Variants in CBFA2T2 observed in about 807,000 individuals in gnomAD.
CBFA2T2 encodes the protein protein CBFA2T2.
A neutral mutation model predicts 62.2 loss-of-function variants in CBFA2T2; 11 were observed. The observed-to-expected ratio is 0.18, with a 90% CI of 0.11 to 0.29. The LOEUF (loss-of-function observed/expected upper bound fraction) is 0.29, where lower values mean the gene tolerates loss of function less well. Ranked by LOEUF, CBFA2T2 falls within the 10% of genes least tolerant of loss-of-function variation. The pLI is 1.00. For missense variants in CBFA2T2, 592 were observed against 774.1 expected (o/e 0.76, Z 2.79); for synonymous variants, 295 against 287.5 (o/e 1.03, Z -0.27).
intron 1 of CBFA2T2, among the ~76,000 whole-genome samples, chr20:33,549,695 A>G (rs574958350): frequency 5.4e-4 from 83 of 152,304 alleles, no homozygotes; most frequent in African/African-American, 1.4e-3. Flanking sequence ...TGACTTGTAC[A>G]CTGAAAATAG....
intron 6 of CBFA2T2, among the ~76,000 whole-genome samples, chr20:33,625,467 C>CA (rs1346171496): frequency 6.6e-6 from 1 of 152,120 alleles, no homozygotes; most frequent in Admixed American, 6.5e-5. Context: ...GCCTGGGTGA[C>CA]AGAGTGAGAC....
At chr20:33,515,350 C>CAAA (rs11371940) in intron 1 of CBFA2T2, among the ~76,000 whole-genome samples, 51 of 81,704 alleles carry the variant, frequency 6.2e-4, no homozygotes, top group Middle Eastern at 0.01. Context: ...GACTCCATCT[C>CAAA]AAAAAAAAAA....
chr20:33,554,637 G>A (rs547822353), intron 1 of CBFA2T2, among the ~76,000 whole-genome samples: 3 of 55,834 alleles, frequency 5.4e-5, no homozygotes, highest in East Asian at 3.9e-4. Flanking sequence ...ATGGAGTTTC[G>A]CTTTTGTTGT....
At chr20:33,624,223 A>AT (rs966949463) in intron 5 of CBFA2T2, among the ~76,000 whole-genome samples, 1 of 145,050 alleles carries the variant, frequency 6.9e-6, no homozygotes. Flanking sequence ...CTTTAATGAC[A>AT]TTTTTTTAAA....
chr20:33,618,783 G>A (rs139657694), intron 3 of CBFA2T2, among the ~76,000 whole-genome samples: 211 of 152,228 alleles, frequency 1.4e-3, no homozygotes, highest in African/African-American at 4.8e-3. Flanking sequence ...TCTTAGAGTT[G>A]ACATCCTAGG....
chr20:33,626,873 T>C, intron 6 of CBFA2T2, among the ~76,000 whole-genome samples: 1 of 152,204 alleles, frequency 6.6e-6, no homozygotes, highest in East Asian at 1.9e-4. Flanking sequence ...TAGATTGTGT[T>C]GTAAGTACAT....
At chr20:33,542,441 T>G (rs1439608729) in intron 1 of CBFA2T2, among the ~76,000 whole-genome samples, 2 of 151,616 alleles carry the variant, frequency 1.3e-5, no homozygotes, top group Non-Finnish European at 2.9e-5. Flanking sequence ...AGTTTTAAAT[T>G]TTTTTTTATT....
In CBFA2T2 at chr20:33,523,761, C is replaced by T. The variant is rs1267983285; in HGVS notation, c.34+33460C>T. 6.6e-5 allele frequency among the ~76,000 whole-genome samples: 10 copies of T among 152,026 alleles called. No homozygotes were observed. In the South Asian group the frequency reaches 8.3e-4, roughly 13 times the overall value. On this transcript the variant is annotated intron_variant, in intron 1 of 10. Transcript: ENST00000342704. ...TGGAGTGCAGTGGCATGATCCTCACCGCAACCTCCGCCTCCCTGGTTCAAG... is the reference window on the plus strand; with the variant it reads ...TGGAGTGCAGTGGCATGATCCTCACTGCAACCTCCGCCTCCCTGGTTCAAG...
In CBFA2T2 at chr20:33,611,194, C is replaced by G. The variant is rs749114154; in HGVS notation, c.279C>G (p.Leu93=). 6 of 1,614,206 alleles carry G rather than the reference C, an allele frequency of 3.7e-6. No individual in the cohort carries two copies. In the South Asian group the frequency reaches 6.6e-5, roughly 18 times the overall value. Residue 93 remains leucine, a synonymous_variant, in exon 3 of 11, where the codon CTC becomes CTG. Coordinates refer to ENST00000342704, the MANE Select transcript of CBFA2T2 (RefSeq NM_001032999.3). ...NGPASSTSSA[L]TNQQLPATCG... ...CTGCCTCCTCCACATCATCTGCACTCACAAATCAGCAATTGCCAGCCACTT... is the reference window on the plus strand; with the variant it reads ...CTGCCTCCTCCACATCATCTGCACTGACAAATCAGCAATTGCCAGCCACTT...
chr20:33,582,740 G>A (rs1217554282), intron 1 of CBFA2T2, among the ~76,000 whole-genome samples: 2 of 151,924 alleles, frequency 1.3e-5, no homozygotes, highest in South Asian at 2.1e-4. Context: ...TCAGGAATTC[G>A]AGACTAGCCT....
intron 1 of CBFA2T2, among the ~76,000 whole-genome samples, chr20:33,583,091 T>G (rs1002007696): frequency 6.6e-6 from 1 of 152,228 alleles, no homozygotes; most frequent in South Asian, 2.1e-4. Context: ...CCTTTTACAT[T>G]ATATCAAGAC....
At chr20:33,604,581 C>G (rs188703261) in intron 1 of CBFA2T2, among the ~76,000 whole-genome samples, 129 of 152,248 alleles carry the variant, frequency 8.5e-4, no homozygotes, top group African/African-American at 3.0e-3. Flanking sequence ...GGGTTTGGCC[C>G]ACTATCAAAG....
chr20:33,542,809 C>T (rs942205557), intron 1 of CBFA2T2, among the ~76,000 whole-genome samples: 2 of 151,876 alleles, frequency 1.3e-5, no homozygotes, highest in Non-Finnish European at 2.9e-5. Flanking sequence ...GAAGCTGGGA[C>T]TACAGGCATA....
At chr20:33,525,855 T>G (rs1434443026) in intron 1 of CBFA2T2, among the ~76,000 whole-genome samples, 1 of 152,186 alleles carries the variant, frequency 6.6e-6, no homozygotes, top group Non-Finnish European at 1.5e-5. Flanking sequence ...AGTCTCACTT[T>G]GTTGCCCAGG....
At chr20:33,506,547 C>G (rs184621432) in intron 1 of CBFA2T2, among the ~76,000 whole-genome samples, 2 of 152,138 alleles carry the variant, frequency 1.3e-5, no homozygotes, top group African/African-American at 2.4e-5. Context: ...GATTCGGTCC[C>G]GGTCCTCAGT....
chr20:33,586,371 T>TG (rs1270084055), intron 1 of CBFA2T2, among the ~76,000 whole-genome samples: 2 of 152,096 alleles, frequency 1.3e-5, no homozygotes, highest in African/African-American at 4.8e-5. Context: ...CCTGACCTCA[T>TG]GATCCGCTCG....
intron 1 of CBFA2T2, among the ~76,000 whole-genome samples, chr20:33,551,304 C>T (rs1038951274): frequency 3.3e-5 from 5 of 151,688 alleles, no homozygotes; most frequent in African/African-American, 9.7e-5. Context: ...GCAACCTCAG[C>T]CTCCTGGGTT....
intron 6 of CBFA2T2, 120 bp downstream of exon 6, chr20:33,625,137 C>A: frequency 1.1e-6 from 1 of 925,140 alleles, no homozygotes; most frequent in Non-Finnish European, 1.6e-6. Context: ...CAATATTATA[C>A]ATAGACTATT....
At chr20:33,530,938 G>C (rs1439634040) in intron 1 of CBFA2T2, among the ~76,000 whole-genome samples, 1 of 152,046 alleles carries the variant, frequency 6.6e-6, no homozygotes, top group Non-Finnish European at 1.5e-5. Context: ...AAATTAGCCG[G>C]GTGTGGTGGC....
Sources: allele counts gnomAD v4.1 joint callset (sites outside exome capture counted in the v4.1 genomes callset), GRCh38; gene constraint gnomAD v4.1.1; transcripts MANE v1.5; gene names NCBI Gene and HGNC (gene_info 2026-07-23, HGNC 2026-07-21).